Variants in APOC3 observed in about 807,000 individuals in gnomAD.
APOC3 encodes apolipoprotein C3, also known as apolipoprotein C-III.
In APOC3, 6 loss-of-function variants were observed where a neutral mutation model predicts 7.3. The observed-to-expected ratio is 0.82, with a 90% CI of 0.45 to 1.61. APOC3 has a LOEUF of 1.61. APOC3 is among the 40% of genes most tolerant of loss of function. APOC3 has a pLI of 0.01. For synonymous variants in APOC3, 45 were observed against 51.2 expected, an observed-to-expected ratio of 0.88 and a Z score of 0.52; for missense variants, 123 against 124.9, an observed-to-expected ratio of 0.98 and a Z score of 0.07.
chr11:116,831,238 TTTCTTTC>T (rs1351008049), intron 3 of APOC3: 8 of 136,182 alleles, frequency 5.9e-5, no homozygotes, highest in Non-Finnish European at 1.0e-4. Flanking sequence ...TCTTTCTTTC[TTTCTTTC>T]TTTCTTTCTT....
intron 3 of APOC3, among the ~76,000 whole-genome samples, chr11:116,832,267 G>A (rs1299973665): frequency 6.6e-6 from 1 of 152,194 alleles, no homozygotes; most frequent in Non-Finnish European, 1.5e-5. Flanking sequence ...CTTTGGGGTA[G>A]GTGTTATTTT....
intron 3 of APOC3, among the ~76,000 whole-genome samples, chr11:116,831,271 C>T (rs201799944): frequency 0.41 from 28,540 of 68,894 alleles, 4,424 homozygotes; most frequent in Middle Eastern, 0.46. Context: ...TCTTTCTTTC[C>T]TTTCTTTCTT....
At position 116,831,246 on chromosome 11, in the gene APOC3, T is replaced by TTTCC. The variant is rs1491404547; in HGVS notation, c.179+353_179+354insCTTC. The TTTCC allele has an allele frequency of 1.9e-4, 32 of 167,334 alleles. 1 individual carries two copies. The highest frequency in any genetic ancestry group is 1.0e-3 in the African/African-American group (26 of 25,782). The allele number at this position is 167,334 out of a possible 1,614,324, so 10.4% of individuals were successfully genotyped here. A position where few individuals can be genotyped will look rare whatever the true frequency, so the allele number is the denominator to read the frequency against. On this transcript the variant is annotated intron_variant, in intron 3 of 3. Transcript: ENST00000227667. ...CTTTCTTTCTTTCTTTCTTTCTTTC[T>TTTCC]TTCTTTCTTTCCTTTCTTTCTTTCC...
chr11:116,831,225 C>CTTTT (rs1565336443), intron 3 of APOC3: 1 of 188,202 alleles, frequency 5.3e-6, no homozygotes, highest in African/African-American at 3.6e-5. Flanking sequence ...TTCTTTCTTT[C>CTTTT]TTTCTTTCTT....
intron 3 of APOC3, among the ~76,000 whole-genome samples, chr11:116,832,409 A>G (rs1034470583): frequency 2.0e-5 from 3 of 152,228 alleles, no homozygotes; most frequent in African/African-American, 7.2e-5. Flanking sequence ...GCTCAGAGCC[A>G]CCAGGTTGTG....
At chr11:116,832,278 C>T (rs1941471255) in intron 3 of APOC3, among the ~76,000 whole-genome samples, 1 of 152,210 alleles carries the variant, frequency 6.6e-6, no homozygotes, top group Non-Finnish European at 1.5e-5. Flanking sequence ...GTGTTATTTT[C>T]TCACTTTGCA....
chr11:116,830,558 A>G lies in APOC3; in HGVS notation c.-13-12A>G. On this transcript the variant is annotated splice_polypyrimidine_tract_variant and intron_variant, in intron 1 of 3. Coordinates refer to ENST00000227667, the MANE Select transcript of APOC3 (RefSeq NM_000040.3). ...GGACCTGGGGTGCCCCTCACAGGAC[A>G]CTTCCTTGCAGGAACAGAGGTGCCA... 6.2e-7 allele frequency: 1 copy of G among 1,613,798 alleles called. No individual in the cohort carries two copies. The highest frequency in any genetic ancestry group is 8.5e-7 in the Non-Finnish European group (1 of 1,179,952).
At chr11:116,831,283 C>CCTTTCTTTCTTT (rs1269269768) in intron 3 of APOC3, among the ~76,000 whole-genome samples, 1 of 46,540 alleles carries the variant, frequency 2.1e-5, no homozygotes, top group African/African-American at 1.1e-4. Context: ...TTCTTTCTTT[C>CCTTTCTTTCTTT]CTTTCTTTCT....
chr11:116,832,623 C>A, intron 3 of APOC3, 141 bp from the exon 4 acceptor site: 1 of 1,255,790 alleles, frequency 8.0e-7, no homozygotes, highest in South Asian at 1.2e-5. Context: ...TGCCTGAGGT[C>A]TCAGGGCTGT....
intron 3 of APOC3, 26 bp downstream of exon 3, chr11:116,830,922 T>G (rs1591326503): frequency 1.3e-6 from 2 of 1,534,486 alleles, no homozygotes; most frequent in African/African-American, 1.4e-5. Flanking sequence ...TCCCTCCCCA[T>G]CCCCCCTGCC....
intron 3 of APOC3, among the ~76,000 whole-genome samples, chr11:116,832,408 C>T (rs1486613843): frequency 6.6e-6 from 1 of 152,218 alleles, no homozygotes; most frequent in African/African-American, 2.4e-5. Context: ...TGCTCAGAGC[C>T]ACCAGGTTGT....
chr11:116,830,611 C>T lies in APOC3; in HGVS notation c.29C>T (p.Ala10Val). The T allele has an allele frequency of 6.2e-7, 1 of 1,613,978 alleles. No individual in the cohort carries two copies. Among genetic ancestry groups the T allele is most frequent in the Non-Finnish European group, 8.5e-7 (1 of 1,180,002 alleles). The change falls in exon 2 of 4, where the codon GCC (alanine) becomes GTC (valine). Residue 10 changes from alanine to valine, a missense_variant. Transcript: ENST00000227667. ...CAGCCCCGGGTACTCCTTGTTGTTG[C>T]CCTCCTGGCGCTCCTGGCCTCTGCC... MQPRVLLVVALLALLASARA... is the reference protein window; with the variant it reads MQPRVLLVVVLLALLASARA...
rs1491139534 is a variant in APOC3 at position 116,831,240 on chromosome 11, T to TC, written c.179+345dup. On this transcript the variant is annotated intron_variant, in intron 3 of 3. Coordinates refer to ENST00000227667, the MANE Select transcript of APOC3 (RefSeq NM_000040.3). ...TTCTTTCTTTCTTTCTTTCTTTCTTTCTTTCTTTCTTTCTTTCCTTTCTTT... is the reference window on the plus strand; with the variant it reads ...TTCTTTCTTTCTTTCTTTCTTTCTTTCCTTTCTTTCTTTCTTTCCTTTCTTT... The TC allele has an allele frequency of 6.0e-5, 8 of 132,546 alleles. No homozygotes were observed. In the East Asian group the frequency reaches 7.3e-4, roughly 12 times the overall value. 8.2% of individuals were successfully genotyped at this position (132,546 alleles called of 1,614,324 possible).
At position 116,830,588 on chromosome 11, in the gene APOC3, G is replaced by A. The variant is rs1941434715; in HGVS notation, c.6G>A (p.Gln2=). 1 of 1,613,994 alleles carries A rather than the reference G, an allele frequency of 6.2e-7. No homozygotes were observed. The highest frequency in any genetic ancestry group is 1.1e-5 in the South Asian group (1 of 91,086). Residue 2 remains glutamine, a synonymous_variant, in exon 2 of 4, where the codon CAG becomes CAA. Transcript: ENST00000227667. M[Q]PRVLLVVALL... ...CTTGCAGGAACAGAGGTGCCATGCA[G>A]CCCCGGGTACTCCTTGTTGTTGCCC...
At chr11:116,832,430 C>T (rs5130) in intron 3 of APOC3, among the ~76,000 whole-genome samples, 100,501 of 152,108 alleles carry the variant, frequency 0.66, 37,689 homozygotes, top group Non-Finnish European at 0.85. Flanking sequence ...CAACTCCAGG[C>T]GGTGCTGTTT....
intron 1 of APOC3, among the ~76,000 whole-genome samples, chr11:116,830,325 G>A (rs1264845390): frequency 6.6e-6 from 1 of 152,158 alleles, no homozygotes; most frequent in Non-Finnish European, 1.5e-5. Flanking sequence ...GATCAGTCCA[G>A]ACCGCAGGTG....
At position 116,830,839 on chromosome 11, in the gene APOC3, A is replaced by T. The variant is rs1485138410; in HGVS notation, c.122A>T (p.Lys41Met). 6.2e-7 allele frequency: 1 copy of T among 1,613,146 alleles called. No homozygotes were observed. Among genetic ancestry groups the T allele is most frequent in the Admixed American group, 1.7e-5 (1 of 60,002 alleles). Residue 41 changes from lysine to methionine, a missense_variant, in exon 3 of 4, where the codon AAG becomes ATG. Physicochemically the swap from Lys to Met is moderately conservative, Grantham distance 95. Coordinates refer to ENST00000227667, the MANE Select transcript of APOC3 (RefSeq NM_000040.3). ...FMQGYMKHAT[K>M]TAKDALSSVQ... ...CAGGGTTACATGAAGCACGCCACCA[A>T]GACCGCCAAGGATGCACTGAGCAGC...
chr11:116,831,121 C>T, intron 3 of APOC3: 1 of 622,516 alleles, frequency 1.6e-6, no homozygotes. Flanking sequence ...CTCCCCGGAG[C>T]AGTCCTAGGG....
chr11:116,831,179 T>G, intron 3 of APOC3: 1 of 296,486 alleles, frequency 3.4e-6, no homozygotes, highest in Non-Finnish European at 6.2e-6. Flanking sequence ...TTCCCTTTCT[T>G]TCTCTTTCTA....
Sources: gnomAD v4.1 joint callset for allele counts (sites outside exome capture counted in the v4.1 genomes callset) on GRCh38, gnomAD v4.1.1 for gene constraint, MANE v1.5 for transcripts, NCBI Gene and HGNC (gene_info 2026-07-23, HGNC 2026-07-21) for gene names.